The following RORA variants were observed in gnomAD, a reference collection of about 807,000 sequenced individuals.
The protein encoded by RORA is RAR related orphan receptor A.
Under a neutral mutation model 69.5 loss-of-function variants are expected in RORA, and 7 were observed. The ratio of observed to expected loss-of-function variants is 0.10; its 90% CI spans 0.06 to 0.19. The LOEUF is 0.19. Ranked by LOEUF, RORA falls within the 10% of genes least tolerant of loss-of-function variation. The probability of loss-of-function intolerance (pLI) is 1.00; values close to 1 mark genes in which losing one functional copy is unlikely to be tolerated. For missense variants in RORA, 457 were observed against 663.0 expected, an observed-to-expected ratio of 0.69 and a Z score of 3.41; for synonymous variants, 261 against 240.8, an observed-to-expected ratio of 1.08 and a Z score of -0.78.
At chr15:60,703,814 C>T (rs766291022) in intron 1 of RORA, among the ~76,000 whole-genome samples, 4 of 151,290 alleles carry the variant, frequency 2.6e-5, no homozygotes, top group Non-Finnish European at 2.9e-5. Context: ...CTCATCTTTG[C>T]ACCTGAAAAC....
chr15:61,028,283 C>T (rs1337377345), intron 1 of RORA, among the ~76,000 whole-genome samples: 1 of 152,076 alleles, frequency 6.6e-6, no homozygotes, highest in African/African-American at 2.4e-5. Flanking sequence ...ATGCTGGGGG[C>T]ATGAGGAGGA....
chr15:60,519,383 A>T (rs1383318414), intron 3 of RORA, among the ~76,000 whole-genome samples: 1 of 152,196 alleles, frequency 6.6e-6, no homozygotes, highest in Non-Finnish European at 1.5e-5. Context: ...AGAGGCTTAG[A>T]GAGGTGTAGT....
At chr15:60,578,582 C>T (rs751946521) in intron 2 of RORA, among the ~76,000 whole-genome samples, 1 of 152,120 alleles carries the variant, frequency 6.6e-6, no homozygotes, top group Non-Finnish European at 1.5e-5. Context: ...GCTCTTAACT[C>T]AAACAATGAC....
chr15:60,656,325 T>A (rs1300869103), intron 2 of RORA, among the ~76,000 whole-genome samples: 1 of 152,204 alleles, frequency 6.6e-6, no homozygotes, highest in Non-Finnish European at 1.5e-5. Context: ...TGTTTCATTA[T>A]GTAATGGTAC....
chr15:60,635,162 A>C (rs1349338544), intron 2 of RORA, among the ~76,000 whole-genome samples: 1 of 152,250 alleles, frequency 6.6e-6, no homozygotes, highest in Non-Finnish European at 1.5e-5. Flanking sequence ...AGCAGAATGC[A>C]AATGACGGTG....
At chr15:60,784,587 A>C (rs1374409841) in intron 1 of RORA, among the ~76,000 whole-genome samples, 1 of 152,194 alleles carries the variant, frequency 6.6e-6, no homozygotes, top group Non-Finnish European at 1.5e-5. Flanking sequence ...CACTGAGTGT[A>C]CTGTTGTTAG....
Position 61,057,598 on chromosome 15 carries a change from C to T in RORA, c.166+171455G>A, listed in dbSNP as rs577979147. Reference sequence around the variant, plus strand: ...TCTAAGGTACCATCTTTCTTGCACCCCCACACTCAGTGTGTAATGACCACC... The same window carrying T: ...TCTAAGGTACCATCTTTCTTGCACCTCCACACTCAGTGTGTAATGACCACC... On this transcript the variant is annotated intron_variant, in intron 1 of 10. Coordinates refer to ENST00000335670, the MANE Select transcript of RORA (RefSeq NM_134261.3). Among the ~76,000 whole-genome samples, 3 of 152,316 alleles carry T rather than the reference C, an allele frequency of 2.0e-5. No individual in the cohort carries two copies. In the East Asian group the frequency reaches 5.8e-4, roughly 29 times the overall value.
chr15:60,746,794 T>C (rs1779589882), intron 1 of RORA, among the ~76,000 whole-genome samples: 1 of 152,226 alleles, frequency 6.6e-6, no homozygotes, highest in Admixed American at 6.5e-5. Flanking sequence ...ATAAAAAATA[T>C]CTTTCCCTAG....
rs1039332138 is a variant in RORA at position 60,739,742 on chromosome 15, C to A, written c.167-61056G>T. Among the ~76,000 whole-genome samples, 7 of 152,218 alleles carry A rather than the reference C, an allele frequency of 4.6e-5. No individual in the cohort carries two copies. In the East Asian group the frequency reaches 1.4e-3, roughly 29 times the overall value. ...GACTTAGGAGCAAACCTTCCTCCACCTTGAGCTTTTCATCCTGCACATTTA... is the reference window on the plus strand; with the variant it reads ...GACTTAGGAGCAAACCTTCCTCCACATTGAGCTTTTCATCCTGCACATTTA... On this transcript the variant is annotated intron_variant, in intron 1 of 10. Coordinates refer to ENST00000335670, the MANE Select transcript of RORA (RefSeq NM_134261.3).
intron 1 of RORA, among the ~76,000 whole-genome samples, chr15:61,048,003 A>G (rs1897115916): frequency 6.6e-6 from 1 of 152,228 alleles, no homozygotes; most frequent in African/African-American, 2.4e-5. Context: ...GTGTTTATGT[A>G]AGTAAGCATT....
intron 1 of RORA, among the ~76,000 whole-genome samples, chr15:61,094,967 T>A (rs547378622): frequency 6.6e-6 from 1 of 152,220 alleles, no homozygotes; most frequent in Non-Finnish European, 1.5e-5. Flanking sequence ...AAGCACTGCA[T>A]CTTCTTGAGA....
intron 1 of RORA, among the ~76,000 whole-genome samples, chr15:61,032,543 T>A (rs1896227717): frequency 6.6e-6 from 1 of 152,212 alleles, no homozygotes; most frequent in African/African-American, 2.4e-5. Context: ...CCTTTTCACA[T>A]GACAATCATA....
At chr15:61,074,001 T>C (rs782904) in intron 1 of RORA, among the ~76,000 whole-genome samples, 127,007 of 152,074 alleles carry the variant, frequency 0.84, 53,273 homozygotes, top group Middle Eastern at 0.89. Context: ...AATGATAAAA[T>C]GTGGGGTGGC....
chr15:60,925,093 TAATAAAATAAAATAAAATAA>T (rs59752102), intron 1 of RORA, among the ~76,000 whole-genome samples: 11,464 of 140,006 alleles, frequency 0.082, 854 homozygotes, highest in African/African-American at 0.18. Context: ...ATAAATAAAT[TAATAAAATAAAATAAAATAA>T]AATAAAATAA....
At chr15:60,724,662 A>C (rs1261318138) in intron 1 of RORA, among the ~76,000 whole-genome samples, 2 of 152,066 alleles carry the variant, frequency 1.3e-5, no homozygotes, top group African/African-American at 4.8e-5. Flanking sequence ...GTTTAATAGG[A>C]GCTCCCATAT....
intron 1 of RORA, among the ~76,000 whole-genome samples, chr15:60,790,228 G>A (rs1437088947): frequency 1.3e-5 from 2 of 152,238 alleles, no homozygotes; most frequent in Non-Finnish European, 2.9e-5. Context: ...TCTCTGACCT[G>A]CAAACCAGAG....
At chr15:60,988,854 G>A (rs751851495) in intron 1 of RORA, among the ~76,000 whole-genome samples, 6 of 152,134 alleles carry the variant, frequency 3.9e-5, no homozygotes, top group Non-Finnish European at 1.5e-5. Flanking sequence ...TTACTTTTCA[G>A]TTGAAACTAC....
At chr15:60,762,955 T>C (rs1223091994) in intron 1 of RORA, among the ~76,000 whole-genome samples, 3 of 152,016 alleles carry the variant, frequency 2.0e-5, no homozygotes, top group African/African-American at 7.2e-5. Context: ...CTGAAAGTCT[T>C]TTAACCTTCA....
Position 61,190,897 on chromosome 15 carries a change from A to C in RORA, c.166+38156T>G, listed in dbSNP as rs549936984. On this transcript the variant is annotated intron_variant, in intron 1 of 10. Coordinates refer to ENST00000335670, the MANE Select transcript of RORA (RefSeq NM_134261.3). The stretch of plus-strand genomic sequence containing the variant: ...ATAAATGCTTTTGCTTATATATATG[A>C]ATCTCATTTTCCCACTGGCTTTCCT... Among the ~76,000 whole-genome samples the C allele has an allele frequency of 3.0e-4, 45 of 152,302 alleles. 2 individuals are homozygous for C. In the South Asian group the frequency reaches 9.3e-3, roughly 32 times the overall value.
Sources: gnomAD v4.1 joint callset for allele counts (sites outside exome capture counted in the v4.1 genomes callset) on GRCh38, gnomAD v4.1.1 for gene constraint, MANE v1.5 for transcripts, NCBI Gene and HGNC (gene_info 2026-07-23, HGNC 2026-07-21) for gene names.